The following GRIK2 variants were observed in gnomAD, a reference collection of about 807,000 sequenced individuals.
GRIK2 encodes the protein glutamate receptor ionotropic, kainate 2.
GRIK2 carries 32 observed loss-of-function variants against 100.3 expected under a neutral mutation model. The observed-to-expected ratio is 0.32, with a 90% CI of 0.24 to 0.43. The LOEUF (loss-of-function observed/expected upper bound fraction) is 0.43. Ranked by LOEUF, GRIK2 falls within the 20% of genes least tolerant of loss-of-function variation. GRIK2 has a pLI of 1.00. For synonymous variants in GRIK2, 417 were observed against 389.4 expected (o/e 1.07, Z -0.83); for missense variants, 843 against 1,114.9 (o/e 0.76, Z 3.47).
At chr6:101,883,311 A>AATC (rs964009172) in intron 11 of GRIK2, among the ~76,000 whole-genome samples, 3 of 148,774 alleles carry the variant, frequency 2.0e-5, no homozygotes, top group African/African-American at 7.4e-5. Flanking sequence ...TAATAATAAT[A>AATC]ATAATAATAA....
At chr6:101,912,046 GCACACACACA>G (rs571177027) in intron 12 of GRIK2, among the ~76,000 whole-genome samples, 31 of 62,904 alleles carry the variant, frequency 4.9e-4, no homozygotes, top group African/African-American at 1.7e-3. Flanking sequence ...CAGGGGCAAC[GCACACACACA>G]CACACACACA....
chr6:101,817,711 A>G (rs1781718775), intron 9 of GRIK2, among the ~76,000 whole-genome samples: 1 of 152,348 alleles, frequency 6.6e-6, no homozygotes, highest in Non-Finnish European at 1.5e-5. Context: ...GACCTAATCT[A>G]TCAGAAGATA....
At chr6:101,556,613 TAA>T (rs1411761271) in intron 2 of GRIK2, among the ~76,000 whole-genome samples, 1 of 152,138 alleles carries the variant, frequency 6.6e-6, no homozygotes, top group African/African-American at 2.4e-5. Context: ...TGCCATTTAT[TAA>T]GAGCTTACCC....
At chr6:101,647,642 T>G (rs114743951) in intron 4 of GRIK2, among the ~76,000 whole-genome samples, 1 of 152,086 alleles carries the variant, frequency 6.6e-6, no homozygotes, top group Non-Finnish European at 1.5e-5. Flanking sequence ...GAAGGATGCA[T>G]AATGTCATAA....
At chr6:101,859,125 C>A (rs1262588226) in intron 10 of GRIK2, among the ~76,000 whole-genome samples, 162 bp from the exon 11 acceptor site, 1 of 151,864 alleles carries the variant, frequency 6.6e-6, no homozygotes, top group East Asian at 1.9e-4. Flanking sequence ...CCTGAATTTT[C>A]TTTTAATATT....
chr6:101,924,831 A>G (rs1434164371), intron 13 of GRIK2, 112 bp downstream of exon 13: 2 of 680,518 alleles, frequency 2.9e-6, no homozygotes, highest in Non-Finnish European at 5.4e-6. Context: ...GCATGTAACC[A>G]TAATCCAGCT....
intron 11 of GRIK2, among the ~76,000 whole-genome samples, chr6:101,885,340 A>T (rs949740994): frequency 2.0e-5 from 3 of 152,146 alleles, no homozygotes; most frequent in African/African-American, 7.2e-5. Context: ...GGGCAGGGAA[A>T]TAACAAAGCC....
intron 14 of GRIK2, among the ~76,000 whole-genome samples, chr6:101,955,370 GC>G (rs1315088696): frequency 6.6e-6 from 1 of 152,120 alleles, no homozygotes; most frequent in Non-Finnish European, 1.5e-5. Flanking sequence ...TATATATCCA[GC>G]CTGGGCACAG....
At chr6:101,665,633 T>C (rs1308255070) in intron 4 of GRIK2, among the ~76,000 whole-genome samples, 1 of 152,234 alleles carries the variant, frequency 6.6e-6, no homozygotes, top group African/African-American at 2.4e-5. Flanking sequence ...TGAATTGCTG[T>C]TGGATATACA....
chr6:101,733,187 A>G (rs1020976262), intron 7 of GRIK2, among the ~76,000 whole-genome samples: 1 of 152,126 alleles, frequency 6.6e-6, no homozygotes, highest in African/African-American at 2.4e-5. Context: ...CAGCAACTCT[A>G]AAGTTCAGAG....
chr6:101,815,711 G>T (rs1311609643), intron 9 of GRIK2, among the ~76,000 whole-genome samples: 2 of 151,646 alleles, frequency 1.3e-5, no homozygotes, highest in African/African-American at 2.4e-5. Flanking sequence ...CTATCACTTT[G>T]TCCATGTTTT....
At chr6:101,603,816 G>A (rs556981740) in intron 2 of GRIK2, among the ~76,000 whole-genome samples, 99 of 151,606 alleles carry the variant, frequency 6.5e-4, no homozygotes, top group African/African-American at 2.3e-3. Context: ...TATGAGCTGG[G>A]GCTTTAACAA....
At chr6:101,561,783 C>T (rs1777028858) in intron 2 of GRIK2, among the ~76,000 whole-genome samples, 1 of 152,010 alleles carries the variant, frequency 6.6e-6, no homozygotes, top group Admixed American at 6.6e-5. Flanking sequence ...AAATATTTCA[C>T]AATATAAGGA....
intron 12 of GRIK2, among the ~76,000 whole-genome samples, chr6:101,911,362 T>C (rs1240477095): frequency 6.6e-6 from 1 of 151,612 alleles, no homozygotes; most frequent in Non-Finnish European, 1.5e-5. Context: ...ATCAATAGAT[T>C]CTTGATTTTT....
At chr6:101,974,485 T>C (rs1223304297) in intron 14 of GRIK2, among the ~76,000 whole-genome samples, 1 of 151,908 alleles carries the variant, frequency 6.6e-6, no homozygotes, top group East Asian at 1.9e-4. Flanking sequence ...TACACACACA[T>C]AAAGAAATTT....
intron 2 of GRIK2, among the ~76,000 whole-genome samples, chr6:101,529,995 A>T (rs933656753): frequency 6.6e-6 from 1 of 152,120 alleles, no homozygotes; most frequent in South Asian, 2.1e-4. Flanking sequence ...AACAGCCAGT[A>T]TAATGTATAC....
At position 101,705,699 on chromosome 6, in the gene GRIK2, A is replaced by T. The variant is rs571191593; in HGVS notation, c.951+19346A>T. 6.6e-5 allele frequency among the ~76,000 whole-genome samples: 10 copies of T among 152,002 alleles called. No individual in the cohort carries two copies. In the South Asian group the frequency reaches 1.9e-3, roughly 28 times the overall value. On this transcript the variant is annotated intron_variant, in intron 7 of 16. Transcript: ENST00000369134. ...CTGCAACCGAATCTGCTGTCTTAAT[A>T]TGCTATCAATGTAAAACAGCAATCA... is the stretch of plus-strand genomic sequence containing the variant.
At chr6:101,980,006 A>C (rs1793618796) in intron 14 of GRIK2, among the ~76,000 whole-genome samples, 1 of 151,908 alleles carries the variant, frequency 6.6e-6, no homozygotes, top group Non-Finnish European at 1.5e-5. Context: ...GGAGGCTTAG[A>C]TTTGCTTCAG....
chr6:101,918,724 A>G (rs137878173), intron 12 of GRIK2, among the ~76,000 whole-genome samples: 1 of 151,842 alleles, frequency 6.6e-6, no homozygotes, highest in Admixed American at 6.6e-5. Context: ...CAGTCTCAAA[A>G]CTTGTAGTCA....
Sources: allele counts gnomAD v4.1 joint callset (sites outside exome capture counted in the v4.1 genomes callset), GRCh38; gene constraint gnomAD v4.1.1; transcripts MANE v1.5; gene names NCBI Gene and HGNC (gene_info 2026-07-23, HGNC 2026-07-21).